Variants in FBXO28 observed in about 807,000 individuals in gnomAD.
The protein encoded by FBXO28 is F-box only protein 28.
Under a neutral mutation model 38.1 loss-of-function variants are expected in FBXO28, and 8 were observed. The ratio of observed to expected loss-of-function variants is 0.21; its 90% CI spans 0.12 to 0.38. FBXO28 has a LOEUF of 0.38. Ranked by LOEUF, FBXO28 falls within the 10% of genes least tolerant of loss-of-function variation. The pLI, the probability that FBXO28 is intolerant of heterozygous loss-of-function variation, is 1.00. For synonymous variants in FBXO28, 168 were observed against 173.8 expected (o/e 0.97, Z 0.26); for missense variants, 345 against 460.6 (o/e 0.75, Z 2.30).
In FBXO28 at chr1:224,157,471, C is replaced by G. The variant is rs1023471990; in HGVS notation, c.832C>G (p.Leu278Val). 6.2e-7 allele frequency: 1 copy of G among 1,614,272 alleles called. No individual in the cohort carries two copies. The highest frequency in any genetic ancestry group is 8.5e-7 in the Non-Finnish European group (1 of 1,180,060). The change falls in exon 5 of 5, where the codon CTC (leucine) becomes GTC (valine). Residue 278 changes from leucine (L) to valine (V), a missense_variant. Around this residue, in one of 6 missense-constraint regions of FBXO28, gnomAD observed 151 missense variants for 188.3 expected, o/e 0.80. Coordinates refer to ENST00000366862, the MANE Select transcript of FBXO28 (RefSeq NM_015176.4). ...AACAAATGGTGCTGGCGTGACTGTT[C>G]TCAGGCGTGAAATTTCTGAGCTTCG... ...VKTNGAGVTV[L>V]RREISELRTK...
At chr1:224,123,171 C>T (rs936176063) in intron 1 of FBXO28, among the ~76,000 whole-genome samples, 3 of 152,116 alleles carry the variant, frequency 2.0e-5, no homozygotes, top group Non-Finnish European at 4.4e-5. Context: ...CATTTAAGAA[C>T]TGTAGAGTGC....
chr1:224,154,675 G>T (rs1230123023), intron 4 of FBXO28, among the ~76,000 whole-genome samples: 1 of 152,196 alleles, frequency 6.6e-6, no homozygotes, highest in Non-Finnish European at 1.5e-5. Flanking sequence ...GGGCGCGGTG[G>T]TGGGTGTCTG....
At chr1:224,135,005 CT>C (rs1334817380) in intron 3 of FBXO28, among the ~76,000 whole-genome samples, 2 of 151,972 alleles carry the variant, frequency 1.3e-5, no homozygotes, top group African/African-American at 2.4e-5. Flanking sequence ...TTAATACGTA[CT>C]TTGTCCATTT....
At chr1:224,152,324 GTATT>G (rs1263022940) in intron 3 of FBXO28, among the ~76,000 whole-genome samples, 4 of 152,190 alleles carry the variant, frequency 2.6e-5, no homozygotes, top group African/African-American at 7.2e-5. Context: ...CATGGGGGCA[GTATT>G]AAAAAGAGCA....
chr1:224,122,701 G>T (rs952850202), intron 1 of FBXO28, among the ~76,000 whole-genome samples: 11 of 151,616 alleles, frequency 7.3e-5, no homozygotes, highest in African/African-American at 2.4e-4. Flanking sequence ...ATTCACATTT[G>T]TCTAATTTTT....
chr1:224,153,389 GT>G, intron 4 of FBXO28, 52 bp downstream of exon 4: 4 of 1,396,752 alleles, frequency 2.9e-6, no homozygotes, highest in Non-Finnish European at 3.8e-6. Context: ...CTTGCTTCCG[GT>G]TTTTTTCCAC....
intron 2 of FBXO28, among the ~76,000 whole-genome samples, chr1:224,133,017 A>G (rs1347323000): frequency 1.3e-5 from 2 of 152,206 alleles, no homozygotes; most frequent in Non-Finnish European, 2.9e-5. Flanking sequence ...ATGAGCAAAC[A>G]AAGTATGATA....
rs576420241 is a variant in FBXO28, at chr1:224,156,970, C to CCA, written c.713-381_713-380dup. Among the ~76,000 whole-genome samples the CCA allele has an allele frequency of 9.6e-5, 14 of 146,064 alleles. No homozygotes were observed. In the East Asian group the frequency reaches 2.8e-3, roughly 29 times the overall value. On this transcript the variant is annotated intron_variant, in intron 4 of 4. Coordinates refer to ENST00000366862, the MANE Select transcript of FBXO28 (RefSeq NM_015176.4). ...TGAGCCGAGATCACGCCACTGCACT[C>CCA]CAGCCTGGGCAATAGAGTGAGACTC...
At chr1:224,116,745 C>T (rs927143342) in intron 1 of FBXO28, among the ~76,000 whole-genome samples, 1 of 152,154 alleles carries the variant, frequency 6.6e-6, no homozygotes, top group Admixed American at 6.6e-5. Context: ...TCTGCATTTT[C>T]TTTAAAAGAT....
At chr1:224,125,977 T>C (rs1427110801) in intron 1 of FBXO28, among the ~76,000 whole-genome samples, 5 of 152,334 alleles carry the variant, frequency 3.3e-5, no homozygotes, top group Admixed American at 2.6e-4. Context: ...ACTCAAAACA[T>C]GGGAAATTTT....
At chr1:224,115,381 T>C (rs1237377837) in intron 1 of FBXO28, among the ~76,000 whole-genome samples, 4 of 152,214 alleles carry the variant, frequency 2.6e-5, no homozygotes, top group Non-Finnish European at 5.9e-5. Context: ...TGCTGGGAAT[T>C]GTTTTTAAGA....
At chr1:224,140,305 CAAT>C (rs2102624693) in intron 3 of FBXO28, among the ~76,000 whole-genome samples, 1 of 152,178 alleles carries the variant, frequency 6.6e-6, no homozygotes, top group Non-Finnish European at 1.5e-5. Context: ...TCACATATTC[CAAT>C]AATACTCTTC....
chr1:224,133,165 T>C (rs1361108615), intron 2 of FBXO28, among the ~76,000 whole-genome samples: 1 of 152,170 alleles, frequency 6.6e-6, no homozygotes, highest in Non-Finnish European at 1.5e-5. Flanking sequence ...ATGTTCAGAA[T>C]AGGTGGATCC....
chr1:224,122,870 C>T (rs1377235343), intron 1 of FBXO28, among the ~76,000 whole-genome samples: 1 of 152,074 alleles, frequency 6.6e-6, no homozygotes, highest in African/African-American at 2.4e-5. Context: ...TAGAGTAGTG[C>T]CAGCAGTTCT....
At chr1:224,114,449 A>AGAG (rs1656595280) in intron 1 of FBXO28, 53 bp downstream of exon 1, 1 of 1,111,296 alleles carries the variant, frequency 9.0e-7, no homozygotes, top group Non-Finnish European at 1.2e-6. Flanking sequence ...GAGGTCTGGG[A>AGAG]GATGAGAAGG....
At chr1:224,149,241 CAT>C (rs1361001299) in intron 3 of FBXO28, among the ~76,000 whole-genome samples, 1 of 150,960 alleles carries the variant, frequency 6.6e-6, no homozygotes, top group Non-Finnish European at 1.5e-5. Context: ...GTGTTCAAAA[CAT>C]AATCATCTGA....
At chr1:224,139,747 T>A (rs996888155) in intron 3 of FBXO28, among the ~76,000 whole-genome samples, 1 of 54,818 alleles carries the variant, frequency 1.8e-5, no homozygotes, top group African/African-American at 5.5e-5. Context: ...CTGAAATAAA[T>A]ACATACATGC....
rs1656982727 is a variant in FBXO28, at chr1:224,129,376, T to C, written c.268-1096T>C. ...TTTGGAGGATATACAGTGTCTAATA[T>C]AAAGGCCTTGGCCATCATAAGCTCT... On this transcript the variant is annotated intron_variant, in intron 1 of 4. Coordinates refer to ENST00000366862, the MANE Select transcript of FBXO28 (RefSeq NM_015176.4). Among the ~76,000 whole-genome samples the C allele has an allele frequency of 2.0e-5, 3 of 152,172 alleles. No homozygotes were observed. The South Asian group carries it at 6.2e-4, about 32-fold the overall frequency.
At chr1:224,141,772 C>T (rs1657360771) in intron 3 of FBXO28, among the ~76,000 whole-genome samples, 1 of 152,058 alleles carries the variant, frequency 6.6e-6, no homozygotes, top group African/African-American at 2.4e-5. Context: ...CTGTATAGGG[C>T]ATTTATCATG....
Sources: allele counts gnomAD v4.1 joint callset (sites outside exome capture counted in the v4.1 genomes callset), GRCh38; gene constraint gnomAD v4.1.1; regional missense constraint gnomAD v4.1.1; transcripts MANE v1.5; gene names NCBI Gene and HGNC (gene_info 2026-07-23, HGNC 2026-07-21).